The following EXOC6B variants were observed in gnomAD, a reference collection of about 807,000 sequenced individuals.
The protein encoded by EXOC6B is SEC15 homolog B.
A neutral mutation model predicts 113.5 loss-of-function variants in EXOC6B; 54 were observed. The ratio of observed to expected loss-of-function variants is 0.48; its 90% CI spans 0.38 to 0.60. The LOEUF is 0.60. EXOC6B is among the 20% of genes least tolerant of loss of function. The probability of loss-of-function intolerance (pLI) is 0.00; values close to 1 mark genes in which losing one functional copy is unlikely to be tolerated. For missense variants in EXOC6B, 797 were observed against 977.5 expected (o/e 0.82, Z 2.46); for synonymous variants, 357 against 339.0 (o/e 1.05, Z -0.58).
intron 6 of EXOC6B, among the ~76,000 whole-genome samples, chr2:72,665,962 C>T (rs1360325137): frequency 6.6e-6 from 1 of 152,108 alleles, no homozygotes; most frequent in Non-Finnish European, 1.5e-5. Context: ...ATTTAACACT[C>T]ATAGACTCAA....
chr2:72,547,169 T>C (rs939134562), intron 8 of EXOC6B, among the ~76,000 whole-genome samples: 1 of 152,230 alleles, frequency 6.6e-6, no homozygotes, highest in African/African-American at 2.4e-5. Context: ...GCCTTTGTAA[T>C]AATGAATTCA....
At chr2:72,525,010 G>T (rs1245388229) in intron 8 of EXOC6B, among the ~76,000 whole-genome samples, 4 of 152,066 alleles carry the variant, frequency 2.6e-5, no homozygotes, top group Admixed American at 1.3e-4. Context: ...TATTTTTAAG[G>T]TTCCCTTATA....
In EXOC6B at chr2:72,397,635, T is replaced by A. The variant is rs1284712493; in HGVS notation, c.1981-17765A>T. 4.3e-3 allele frequency among the ~76,000 whole-genome samples: 516 copies of A among 119,320 alleles called. 9 individuals carry two copies. Among genetic ancestry groups the A allele is most frequent in the African/African-American group, 0.026 (471 of 18,388 alleles). 78.3% of individuals were successfully genotyped at this position (119,320 alleles called of 152,430 possible). A position where few individuals can be genotyped will look rare whatever the true frequency, so the allele number is the denominator to read the frequency against. On this transcript the variant is annotated intron_variant, in intron 18 of 21. Transcript: ENST00000272427. ...CTCATCTCAAAAAAAAAAAATAAAATAAAATAAAATAAAATAAAATAAAAT... is the reference window on the plus strand; with the variant it reads ...CTCATCTCAAAAAAAAAAAATAAAAAAAAATAAAATAAAATAAAATAAAAT...
At chr2:72,758,621 C>CT (rs1454456197) in intron 1 of EXOC6B, among the ~76,000 whole-genome samples, 1 of 152,096 alleles carries the variant, frequency 6.6e-6, no homozygotes, top group Non-Finnish European at 1.5e-5. Flanking sequence ...TTAATAAACT[C>CT]TTTAACATTG....
chr2:72,722,882 C>T (rs1680094202), intron 5 of EXOC6B, among the ~76,000 whole-genome samples: 1 of 152,180 alleles, frequency 6.6e-6, no homozygotes, highest in South Asian at 2.1e-4. Flanking sequence ...AGACACATGG[C>T]TCATGCTGAA....
At chr2:72,653,227 T>TA (rs1178339588) in intron 6 of EXOC6B, among the ~76,000 whole-genome samples, 1 of 150,674 alleles carries the variant, frequency 6.6e-6, no homozygotes, top group Non-Finnish European at 1.5e-5. Flanking sequence ...TATGCAGCCA[T>TA]AAAAAATGAT....
intron 1 of EXOC6B, among the ~76,000 whole-genome samples, chr2:72,800,526 A>C (rs1685219864): frequency 6.6e-6 from 1 of 152,212 alleles, no homozygotes; most frequent in Non-Finnish European, 1.5e-5. Context: ...TAGTAATAAT[A>C]ACTATTAATA....
chr2:72,246,569 G>A (rs550256570), intron 20 of EXOC6B, among the ~76,000 whole-genome samples: 4 of 149,014 alleles, frequency 2.7e-5, no homozygotes, highest in South Asian at 2.1e-4. Context: ...GTGCAGTGGC[G>A]CAATCTCAGC....
chr2:72,807,112 C>T (rs575103905), intron 1 of EXOC6B, among the ~76,000 whole-genome samples: 114 of 152,188 alleles, frequency 7.5e-4, no homozygotes, highest in African/African-American at 2.5e-3. Flanking sequence ...GTGTCCAGAA[C>T]GGTATTTCCT....
chr2:72,525,101 G>A (rs1009457488), intron 8 of EXOC6B, among the ~76,000 whole-genome samples: 10 of 152,170 alleles, frequency 6.6e-5, no homozygotes, highest in Admixed American at 5.9e-4. Context: ...GGGACCGACA[G>A]AGTCTGCAGA....
chr2:72,187,772 G>A (rs143923667), intron 20 of EXOC6B, among the ~76,000 whole-genome samples: 157 of 152,266 alleles, frequency 1.0e-3, no homozygotes, highest in African/African-American at 3.1e-3. Context: ...CTGGCAGCCT[G>A]GTCACAAGCC....
chr2:72,452,030 C>T (rs1055276153), intron 18 of EXOC6B, among the ~76,000 whole-genome samples: 16 of 152,226 alleles, frequency 1.1e-4, no homozygotes, highest in Middle Eastern at 3.4e-3. Flanking sequence ...TTTGCAGGCT[C>T]AAATTTGTCC....
intron 18 of EXOC6B, among the ~76,000 whole-genome samples, chr2:72,424,491 T>C (rs965983044): frequency 6.6e-6 from 1 of 152,184 alleles, no homozygotes; most frequent in Admixed American, 6.5e-5. Context: ...CCCCAACTAA[T>C]GACTTTTATA....
chr2:72,322,511 G>A (rs1363959123), intron 20 of EXOC6B, among the ~76,000 whole-genome samples: 1 of 152,100 alleles, frequency 6.6e-6, no homozygotes, highest in Non-Finnish European at 1.5e-5. Flanking sequence ...GTGGGTACAT[G>A]GAGTTGTACA....
At chr2:72,301,588 T>C (rs1009256091) in intron 20 of EXOC6B, among the ~76,000 whole-genome samples, 1 of 152,190 alleles carries the variant, frequency 6.6e-6, no homozygotes, top group African/African-American at 2.4e-5. Flanking sequence ...GGTGTATGTG[T>C]CCAGGAATTT....
chr2:72,590,112 G>C (rs192486861), intron 6 of EXOC6B, among the ~76,000 whole-genome samples: 2 of 152,042 alleles, frequency 1.3e-5, no homozygotes, highest in East Asian at 3.9e-4. Context: ...TAGGATTTTG[G>C]TAATGTTGTG....
At chr2:72,690,809 C>G (rs537604113) in intron 6 of EXOC6B, among the ~76,000 whole-genome samples, 2 of 152,158 alleles carry the variant, frequency 1.3e-5, no homozygotes, top group Non-Finnish European at 2.9e-5. Context: ...AACTTAAATT[C>G]TTCTGTGGCT....
At chr2:72,210,454 A>G (rs1178063253) in intron 20 of EXOC6B, among the ~76,000 whole-genome samples, 3 of 152,236 alleles carry the variant, frequency 2.0e-5, no homozygotes, top group Non-Finnish European at 4.4e-5. Flanking sequence ...TATTTTGTTC[A>G]TACTGGATAG....
intron 20 of EXOC6B, among the ~76,000 whole-genome samples, chr2:72,219,177 A>G (rs1680716968): frequency 6.6e-6 from 1 of 152,062 alleles, no homozygotes; most frequent in African/African-American, 2.4e-5. Context: ...GGGAACATCG[A>G]TTGCAATCAT....
Sources: gnomAD v4.1 joint callset for allele counts (sites outside exome capture counted in the v4.1 genomes callset) on GRCh38, gnomAD v4.1.1 for gene constraint, MANE v1.5 for transcripts, NCBI Gene and HGNC (gene_info 2026-07-23, HGNC 2026-07-21) for gene names.